The following CHAMP1 variants were observed in gnomAD, a reference collection of about 807,000 sequenced individuals.
CHAMP1 encodes the protein chromosome alignment-maintaining phosphoprotein 1.
CHAMP1 carries 4 observed loss-of-function variants against 54.5 expected under a neutral mutation model. The ratio of observed to expected loss-of-function variants is 0.07; its 90% CI spans 0.04 to 0.17. The LOEUF (loss-of-function observed/expected upper bound fraction) is 0.17. CHAMP1 is among the 10% of genes least tolerant of loss of function. CHAMP1 has a pLI of 1.00. For missense variants in CHAMP1, 994 were observed against 968.6 expected, an observed-to-expected ratio of 1.03 and a Z score of -0.35; for synonymous variants, 368 against 342.2, an observed-to-expected ratio of 1.08 and a Z score of -0.83.
chr13:114,321,958 C>A (rs1232338657), intron 2 of CHAMP1: 1 of 151,612 alleles, frequency 6.6e-6, no homozygotes, highest in Non-Finnish European at 1.5e-5. Flanking sequence ...AAATGATATA[C>A]CTTGGATAAA....
chr13:114,318,645 G>T (rs1389054735), intron 1 of CHAMP1, among the ~76,000 whole-genome samples: 2 of 151,932 alleles, frequency 1.3e-5, no homozygotes, highest in South Asian at 4.2e-4. Flanking sequence ...TTCTAATTAT[G>T]GAGTACTCCT....
At chr13:114,320,753 G>A (rs563785679) in intron 1 of CHAMP1, among the ~76,000 whole-genome samples, 4 of 152,134 alleles carry the variant, frequency 2.6e-5, no homozygotes, top group African/African-American at 9.6e-5. Context: ...TCAGGAGATC[G>A]AGACCATCCT....
intron 1 of CHAMP1, among the ~76,000 whole-genome samples, chr13:114,316,980 C>A (rs2087107102): frequency 6.6e-6 from 1 of 152,066 alleles, no homozygotes; most frequent in Non-Finnish European, 1.5e-5. Context: ...TTTCTTCAAA[C>A]ATAAAACTAC....
At position 114,321,142 on chromosome 13, in the gene CHAMP1, A is replaced by G. The variant is rs372800904; in HGVS notation, c.-146A>G. ...TTCTCATCTTTGTTCTTCTTCATAT[A>G]CTATAGGCTGTTTGCTGTGGTTTAG... On this transcript the variant is annotated 5_prime_UTR_variant, in exon 2 of 3. In the 5' UTR this introduces an upstream ATG that the reference lacks. Coordinates refer to ENST00000361283, the MANE Select transcript of CHAMP1 (RefSeq NM_032436.4). 1.4e-5 allele frequency: 2 copies of G among 143,202 alleles called. No homozygotes were observed. Among genetic ancestry groups the G allele is most frequent in the African/African-American group, 5.2e-5 (2 of 38,124 alleles). 8.9% of individuals were successfully genotyped at this position (143,202 alleles called of 1,614,324 possible).
chr13:114,317,247 ACTC>A (rs1198323496), intron 1 of CHAMP1, among the ~76,000 whole-genome samples: 1 of 151,916 alleles, frequency 6.6e-6, no homozygotes, highest in Non-Finnish European at 1.5e-5. Context: ...CTGGTCACGA[ACTC>A]CTGTCCTCAA....
Position 114,325,438 on chromosome 13 carries a change from C to T in CHAMP1, c.1596C>T (p.Pro532=), listed in dbSNP as rs781893314. The T allele has an allele frequency of 2.0e-5, 32 of 1,613,942 alleles. No individual in the cohort carries two copies. Among genetic ancestry groups the T allele is most frequent in the Middle Eastern group, 1.6e-4 (1 of 6,084 alleles). Residue 532 remains proline, a synonymous_variant, in exon 3 of 3, where the codon CCC becomes CCT. Coordinates refer to ENST00000361283, the MANE Select transcript of CHAMP1 (RefSeq NM_032436.4). ...AGCCTAGAAAACCTGCCCTGTTTCC[C>T]GAGCCTGCCAAAACAGCCCCTCCTG... ...DTEPRKPALF[P]EPAKTAPPAS... is the part of the protein sequence containing the mutation.
At chr13:114,318,339 T>C (rs2087123275) in intron 1 of CHAMP1, among the ~76,000 whole-genome samples, 1 of 151,940 alleles carries the variant, frequency 6.6e-6, no homozygotes, top group African/African-American at 2.4e-5. Flanking sequence ...GTTTTCTTTT[T>C]TGAGACAGGG....
chr13:114,317,666 G>A (rs190731019), intron 1 of CHAMP1, among the ~76,000 whole-genome samples: 1 of 152,236 alleles, frequency 6.6e-6, no homozygotes, highest in East Asian at 1.9e-4. Context: ...AACAATGCTA[G>A]TGTGTATAGA....
rs1331699209 is a variant in CHAMP1, at chr13:114,326,727, A to G, written c.*446A>G. On this transcript the variant is annotated 3_prime_UTR_variant, in exon 3 of 3. Transcript: ENST00000361283. ...TTCCTTACATGTATTTTTAAATCAT[A>G]AGAGTTATTTTCTATCTGATGTAAA... is the stretch of plus-strand genomic sequence containing the variant. The G allele has an allele frequency of 6.0e-6, 1 of 167,526 alleles. No homozygotes were observed. The highest frequency in any genetic ancestry group is 1.5e-5 in the Non-Finnish European group (1 of 68,596). The allele number at this position is 167,526 out of a possible 1,614,324, so 10.4% of individuals were successfully genotyped here.
Position 114,324,365 on chromosome 13 carries a change from G to C in CHAMP1, c.523G>C (p.Glu175Gln), listed in dbSNP as rs1351935318. The change falls in exon 3 of 3, where the codon GAG becomes CAG. Residue 175 changes from glutamate to glutamine, a missense_variant. Physicochemically the swap from Glu to Gln is conservative, Grantham distance 29. Around this residue, in one of 3 missense-constraint regions of CHAMP1, gnomAD observed 851 missense variants for 701.3 expected, o/e 1.21. Transcript: ENST00000361283. Reference sequence around the variant, plus strand: ...GCTACAGACACCTCTTCCTTCTCCTGAGCCTTCAAAACCTGCCTCTGTTTC... The same window carrying C: ...GCTACAGACACCTCTTCCTTCTCCTCAGCCTTCAAAACCTGCCTCTGTTTC... Reference protein sequence around the residue: ...PELQTPLPSPEPSKPASVSSP... With the variant: ...PELQTPLPSPQPSKPASVSSP... 121 of 1,613,896 alleles carry C rather than the reference G, an allele frequency of 7.5e-5. No homozygotes were observed. Among genetic ancestry groups the C allele is most frequent in the Non-Finnish European group, 1.0e-4 (119 of 1,180,022 alleles).
chr13:114,316,379 T>C (rs997553751), intron 1 of CHAMP1, among the ~76,000 whole-genome samples: 1 of 151,770 alleles, frequency 6.6e-6, no homozygotes, highest in African/African-American at 2.4e-5. Flanking sequence ...GTTAGGCTGC[T>C]CTCTGACTTT....
chr13:114,324,829 A>C lies in CHAMP1; in HGVS notation c.987A>C (p.Ala329=). 6.2e-7 allele frequency: 1 copy of C among 1,614,074 alleles called. No homozygotes were observed. The highest frequency in any genetic ancestry group is 8.5e-7 in the Non-Finnish European group (1 of 1,179,972). The change falls in exon 3 of 3, where the codon GCA becomes GCC. Residue 329 remains alanine, a synonymous_variant. Coordinates refer to ENST00000361283, the MANE Select transcript of CHAMP1 (RefSeq NM_032436.4). ...GGCCTTGGAAATCCAATCCTTCAGC[A>C]TCATCAGGACCTTGGAAGCCAGCTA... ...SPRPWKSNPS[A]SSGPWKPAKP... is the part of the protein sequence containing the mutation.
chr13:114,315,954 A>G (rs1182829701), intron 1 of CHAMP1, among the ~76,000 whole-genome samples: 2 of 149,350 alleles, frequency 1.3e-5, no homozygotes, highest in Non-Finnish European at 3.0e-5. Context: ...CTTTTGCCTC[A>G]TTCTCCCAAG....
rs189158463 is a variant in CHAMP1, at chr13:114,324,358, T to C, written c.516T>C (p.Pro172=). The change falls in exon 3 of 3, where the codon CCT becomes CCC. Residue 172 remains proline (P), a synonymous_variant. Coordinates refer to ENST00000361283, the MANE Select transcript of CHAMP1 (RefSeq NM_032436.4). The part of the protein sequence containing the change: ...VVSPELQTPL[P]SPEPSKPASV... ...CTCCTGAGCTACAGACACCTCTTCCTTCTCCTGAGCCTTCAAAACCTGCCT... is the reference window on the plus strand; with the variant it reads ...CTCCTGAGCTACAGACACCTCTTCCCTCTCCTGAGCCTTCAAAACCTGCCT... 2 of 1,614,128 alleles carry C rather than the reference T, an allele frequency of 1.2e-6. No individual in the cohort carries two copies.
intron 2 of CHAMP1, chr13:114,322,096 A>G (rs1474936668): frequency 1.5e-4 from 21 of 140,512 alleles, no homozygotes; most frequent in Admixed American, 1.3e-3. Flanking sequence ...GCTGGAATGC[A>G]GCGGCATGAT....
chr13:114,316,581 C>G (rs2087102386), intron 1 of CHAMP1, among the ~76,000 whole-genome samples: 1 of 151,278 alleles, frequency 6.6e-6, no homozygotes, highest in South Asian at 2.1e-4. Flanking sequence ...CAGAGCGAGA[C>G]TCCCTCTCAA....
In CHAMP1 at chr13:114,324,830, T is replaced by G. The variant is rs781790890; in HGVS notation, c.988T>G (p.Ser330Ala). 23 of 1,613,958 alleles carry G rather than the reference T, an allele frequency of 1.4e-5. No homozygotes were observed. The highest frequency in any genetic ancestry group is 4.5e-5 in the East Asian group (2 of 44,892). The stretch of plus-strand genomic sequence containing the variant: ...GCCTTGGAAATCCAATCCTTCAGCA[T>G]CATCAGGACCTTGGAAGCCAGCTAA... ...PRPWKSNPSASSGPWKPAKPA... is the reference protein window; with the variant it reads ...PRPWKSNPSAASGPWKPAKPA... Residue 330 changes from serine to alanine, a missense_variant, in exon 3 of 3, where the codon TCA becomes GCA. Transcript: ENST00000361283.
rs782471389 is a variant in CHAMP1, at chr13:114,323,795, G to A, written c.-48G>A. The A allele has an allele frequency of 3.9e-6, 6 of 1,528,426 alleles. No individual in the cohort carries two copies. The East Asian group carries it at 1.4e-4, about 35-fold the overall frequency. The allele number at this position is 1,528,426 out of a possible 1,614,324, so 94.7% of individuals were successfully genotyped here. ...ATTCCTACTTTATTGCAGCAGTATT[G>A]AAAGTTTTTAAAGAATATAACCGTG... On this transcript the variant is annotated 5_prime_UTR_variant, in exon 3 of 3. Transcript: ENST00000361283.
chr13:114,320,239 C>G (rs2087150763), intron 1 of CHAMP1, among the ~76,000 whole-genome samples: 2 of 152,138 alleles, frequency 1.3e-5, no homozygotes, highest in African/African-American at 4.8e-5. Flanking sequence ...TGTCAGCAGA[C>G]TCACCCACAC....
Sources: gnomAD v4.1 joint callset for allele counts (sites outside exome capture counted in the v4.1 genomes callset) on GRCh38, gnomAD v4.1.1 for gene constraint, gnomAD v4.1.1 regional missense constraint, MANE v1.5 for transcripts, NCBI Gene and HGNC (gene_info 2026-07-23, HGNC 2026-07-21) for gene names.